The following TENM4 variants were observed in gnomAD, a reference collection of about 807,000 sequenced individuals.
The protein encoded by TENM4 is teneurin transmembrane protein 4, also known as teneurin-4.
Under a neutral mutation model 243.3 loss-of-function variants are expected in TENM4, and 82 were observed. The ratio of observed to expected loss-of-function variants is 0.34; its 90% CI spans 0.28 to 0.40. The LOEUF is 0.40. TENM4 is among the 10% of genes least tolerant of loss of function. The pLI is 1.00. For missense variants in TENM4, 3,138 were observed against 3,673.3 expected, an observed-to-expected ratio of 0.85 and a Z score of 3.77; for synonymous variants, 1,412 against 1,456.3, an observed-to-expected ratio of 0.97 and a Z score of 0.69.
chr11:79,222,312 T>A (rs917251926), intron 2 of TENM4, among the ~76,000 whole-genome samples: 1 of 152,236 alleles, frequency 6.6e-6, no homozygotes, highest in African/African-American at 2.4e-5. Flanking sequence ...GCTCCATCCG[T>A]GTTCCTGAAA....
chr11:78,897,604 A>G (rs572129243), intron 7 of TENM4, among the ~76,000 whole-genome samples: 10 of 152,172 alleles, frequency 6.6e-5, no homozygotes, highest in Admixed American at 6.5e-4. Context: ...CTCTGTCACA[A>G]CATCAGTCAT....
rs1857217540 is a variant in TENM4, at chr11:78,956,879, A to C, written c.494-53356T>G. On this transcript the variant is annotated intron_variant, in intron 6 of 33. Coordinates refer to ENST00000278550, the MANE Select transcript of TENM4 (RefSeq NM_001098816.3). The stretch of plus-strand genomic sequence containing the variant: ...GATTACTGCAGGAGTGTTAGGAGAA[A>C]TACAAAATATGCACTCCATTTTCTT... Among the ~76,000 whole-genome samples the C allele has an allele frequency of 2.0e-5, 3 of 152,240 alleles. No individual in the cohort carries two copies. In the South Asian group the frequency reaches 6.2e-4, roughly 32 times the overall value.
At chr11:79,033,349 C>T (rs1859294502) in intron 6 of TENM4, among the ~76,000 whole-genome samples, 1 of 152,100 alleles carries the variant, frequency 6.6e-6, no homozygotes, top group Non-Finnish European at 1.5e-5. Flanking sequence ...GGTATGTGTG[C>T]TGGGAAGGAA....
intron 6 of TENM4, among the ~76,000 whole-genome samples, chr11:78,966,193 TAA>T (rs34603312): frequency 3.4e-3 from 443 of 131,572 alleles, no homozygotes; most frequent in Admixed American, 4.8e-3. Context: ...AAAGGAAAAT[TAA>T]AAAAAAAAAA....
intron 1 of TENM4, among the ~76,000 whole-genome samples, chr11:79,386,369 C>T (rs1043643686): frequency 6.6e-6 from 1 of 151,994 alleles, no homozygotes; most frequent in African/African-American, 2.4e-5. Context: ...CTTTCTTAAA[C>T]AAGACATAAA....
intron 2 of TENM4, among the ~76,000 whole-genome samples, chr11:79,278,643 T>C (rs1856101978): frequency 6.6e-6 from 1 of 152,210 alleles, no homozygotes; most frequent in Admixed American, 6.5e-5. Flanking sequence ...GACGTTAAAC[T>C]GATACTGAAA....
At chr11:79,062,577 T>C (rs981387489) in intron 6 of TENM4, among the ~76,000 whole-genome samples, 2 of 152,232 alleles carry the variant, frequency 1.3e-5, no homozygotes, top group African/African-American at 4.8e-5. Flanking sequence ...TTTAAGTTTG[T>C]TTGATTCAGT....
At chr11:78,724,816 G>A (rs1004652912) in intron 23 of TENM4, among the ~76,000 whole-genome samples, 1 of 152,224 alleles carries the variant, frequency 6.6e-6, no homozygotes, top group African/African-American at 2.4e-5. Flanking sequence ...ACAATGCAAG[G>A]GACTTGCTCT....
chr11:78,693,309 T>C (rs943167646), intron 28 of TENM4, among the ~76,000 whole-genome samples: 4 of 152,154 alleles, frequency 2.6e-5, no homozygotes, highest in Admixed American at 6.5e-5. Flanking sequence ...ATTTCACAAA[T>C]GGTGAAGAGG....
chr11:78,706,231 C>T (rs1198403080), intron 27 of TENM4, among the ~76,000 whole-genome samples: 1 of 152,158 alleles, frequency 6.6e-6, no homozygotes, highest in Non-Finnish European at 1.5e-5. Flanking sequence ...TATTTTGGAT[C>T]CTAAGCATAG....
intron 4 of TENM4, among the ~76,000 whole-genome samples, chr11:79,071,785 A>T (rs1704577571): frequency 6.6e-6 from 1 of 152,252 alleles, no homozygotes; most frequent in South Asian, 2.1e-4. Context: ...CCCATATTAT[A>T]GATGAAGCTA....
chr11:78,945,821 C>T (rs984384003), intron 6 of TENM4, among the ~76,000 whole-genome samples: 1 of 152,192 alleles, frequency 6.6e-6, no homozygotes, highest in African/African-American at 2.4e-5. Context: ...CCAGCCACAA[C>T]ACTCCCTTAA....
intron 1 of TENM4, among the ~76,000 whole-genome samples, chr11:79,310,800 G>A (rs1393942612): frequency 6.6e-6 from 1 of 152,166 alleles, no homozygotes; most frequent in Non-Finnish European, 1.5e-5. Context: ...CTTGGGAAGA[G>A]GGGATGATTA....
intron 6 of TENM4, among the ~76,000 whole-genome samples, chr11:78,918,114 C>T (rs1016728168): frequency 3.3e-5 from 5 of 152,144 alleles, no homozygotes; most frequent in Admixed American, 1.3e-4. Context: ...CTCTTAACGG[C>T]GACAGTATAA....
At chr11:78,947,384 C>G (rs1199827073) in intron 6 of TENM4, among the ~76,000 whole-genome samples, 2 of 152,180 alleles carry the variant, frequency 1.3e-5, no homozygotes, top group Admixed American at 1.3e-4. Context: ...GCAGCAGCTT[C>G]TGTGTGTGAC....
At chr11:79,257,807 C>G (rs1012681924) in intron 2 of TENM4, among the ~76,000 whole-genome samples, 2 of 152,134 alleles carry the variant, frequency 1.3e-5, no homozygotes, top group South Asian at 4.1e-4. Flanking sequence ...AACTTGAGAC[C>G]AAAGAGCATC....
At position 78,702,245 on chromosome 11, in the gene TENM4, G is replaced by C; in HGVS notation, c.4368C>G (p.Phe1456Leu). 6.2e-7 allele frequency: 1 copy of C among 1,614,058 alleles called. No individual in the cohort carries two copies. ...MHCQVPGIDH[F>L]LLSKVAIHAT... ...CGTGGATGGCCACCTTGCTTAGCAG[G>C]AAGTGGTCAATGCCAGGGACCTGGC... The change falls in exon 28 of 34, where the codon TTC (phenylalanine) becomes TTG (leucine). Residue 1456 changes from phenylalanine (F) to leucine (L), a missense_variant. Around this residue, in one of 2 missense-constraint regions of TENM4, gnomAD observed 2,467 missense variants for 3,059.1 expected, o/e 0.81. Coordinates refer to ENST00000278550, the MANE Select transcript of TENM4 (RefSeq NM_001098816.3).
intron 12 of TENM4, among the ~76,000 whole-genome samples, chr11:78,828,997 C>A (rs1370048453): frequency 1.3e-5 from 2 of 152,222 alleles, no homozygotes; most frequent in African/African-American, 4.8e-5. Flanking sequence ...CTGCTCTCCA[C>A]CCAGTGGGAG....
chr11:78,841,591 C>G (rs1858259556), intron 12 of TENM4, among the ~76,000 whole-genome samples: 1 of 152,102 alleles, frequency 6.6e-6, no homozygotes, highest in African/African-American at 2.4e-5. Flanking sequence ...TCTGCCTCTG[C>G]CTGCCATTCC....
Sources: allele counts gnomAD v4.1 joint callset (sites outside exome capture counted in the v4.1 genomes callset), GRCh38; gene constraint gnomAD v4.1.1; regional missense constraint gnomAD v4.1.1; transcripts MANE v1.5; gene names NCBI Gene and HGNC (gene_info 2026-07-23, HGNC 2026-07-21).